Variants in OR51B5 observed in about 807,000 individuals in gnomAD.
The protein encoded by OR51B5 is olfactory receptor 51B5.
For synonymous variants in OR51B5, 186 were observed against 144.8 expected (o/e 1.28, Z -2.04); for missense variants, 456 against 374.6 (o/e 1.22, Z -1.79).
exon 1 of OR51B5, chr11:5,342,948 T>A: frequency 6.2e-7 from 1 of 1,613,472 alleles, no homozygotes; most frequent in Non-Finnish European, 8.5e-7. Context: ...TACAGTCGGT[T>A]GAAGGTGGTA....
chr11:5,403,269 C>T (rs1850001456), intron 1 of OR51B5: 2 of 471,444 alleles, frequency 4.2e-6, no homozygotes, highest in African/African-American at 4.0e-5. Flanking sequence ...GCTCATACTC[C>T]ACACTGTATT....
chr11:5,373,224 T>C (rs774775817), intron 1 of OR51B5, among the ~76,000 whole-genome samples: 5 of 152,178 alleles, frequency 3.3e-5, no homozygotes, highest in East Asian at 1.9e-4. Context: ...AGAACATGTA[T>C]AGAGATAGCT....
chr11:5,399,740 C>T (rs2647563), intron 1 of OR51B5, among the ~76,000 whole-genome samples: 56,799 of 148,602 alleles, frequency 0.38, 10,904 homozygotes, highest in South Asian at 0.42. Context: ...GGTAGAGACT[C>T]TGGAGATGGA....
chr11:5,470,545 G>A (rs1851214161), intron 1 of OR51B5, among the ~76,000 whole-genome samples: 1 of 152,138 alleles, frequency 6.6e-6, no homozygotes, highest in South Asian at 2.1e-4. Context: ...ATGTATTCAC[G>A]CAGCCAATTT....
intron 1 of OR51B5, among the ~76,000 whole-genome samples, chr11:5,463,020 G>A (rs1389212405): frequency 6.6e-6 from 1 of 152,226 alleles, no homozygotes; most frequent in Non-Finnish European, 1.5e-5. Flanking sequence ...CGACACTTAT[G>A]TCAGAAATCA....
In OR51B5 at chr11:5,495,748, T is replaced by G. The variant is rs1173000683; in HGVS notation, n.84+9821A>C. 2.0e-5 allele frequency among the ~76,000 whole-genome samples: 3 copies of G among 152,142 alleles called. No individual in the cohort carries two copies. In the East Asian group the frequency reaches 5.8e-4, roughly 29 times the overall value. On this transcript the variant is annotated intron_variant and non_coding_transcript_variant, in intron 1 of 4. Coordinates refer to the OR51B5 transcript ENST00000415970. ...AAGTCCTTGCCTATCAATAATCACTTTAAATTAAATAGATTACATTCTCCA... is the reference window on the plus strand; with the variant it reads ...AAGTCCTTGCCTATCAATAATCACTGTAAATTAAATAGATTACATTCTCCA...
intron 1 of OR51B5, among the ~76,000 whole-genome samples, chr11:5,359,048 A>G (rs1186016314): frequency 6.6e-5 from 10 of 152,096 alleles, no homozygotes; most frequent in African/African-American, 1.4e-4. Flanking sequence ...TACTGAATGG[A>G]CAAAAACTGG....
chr11:5,460,614 G>A (rs932990975), intron 1 of OR51B5, among the ~76,000 whole-genome samples: 2 of 21,200 alleles, frequency 9.4e-5, no homozygotes, highest in Non-Finnish European at 2.7e-4. Context: ...AACCATTGCT[G>A]GGGGAGCTGG....
intron 1 of OR51B5, among the ~76,000 whole-genome samples, chr11:5,358,424 C>T (rs979514241): frequency 3.9e-5 from 6 of 152,108 alleles, no homozygotes; most frequent in East Asian, 3.9e-4. Context: ...ACACATACAC[C>T]CTCCCAAGAC....
At chr11:5,408,251 C>T (rs1447087573) in intron 1 of OR51B5, among the ~76,000 whole-genome samples, 4 of 151,952 alleles carry the variant, frequency 2.6e-5, no homozygotes, top group Non-Finnish European at 5.9e-5. Flanking sequence ...TAATTTTATC[C>T]CAATAATTGC....
chr11:5,444,353 G>T lies in OR51B5; in HGVS notation n.84+61216C>A, dbSNP rs916540397. Among the ~76,000 whole-genome samples the T allele has an allele frequency of 1.2e-4, 19 of 152,064 alleles. 1 individual carries two copies. The highest frequency in any genetic ancestry group is 4.6e-4 in the African/African-American group (19 of 41,394). On this transcript the variant is annotated intron_variant and non_coding_transcript_variant, in intron 1 of 4. Coordinates refer to the OR51B5 transcript ENST00000415970. ...TAAATAAGAAGTATAAAATATCCTT[G>T]AGACAAAAATCTATAAATGATGCAG... is the stretch of plus-strand genomic sequence containing the variant.
chr11:5,466,571 G>A (rs554261140), intron 1 of OR51B5, among the ~76,000 whole-genome samples: 58 of 152,302 alleles, frequency 3.8e-4, no homozygotes, highest in African/African-American at 1.2e-3. Flanking sequence ...GGCCCTGAGC[G>A]CCATGGATTC....
chr11:5,479,654 A>G (rs1015422880), intron 1 of OR51B5, among the ~76,000 whole-genome samples: 9 of 152,080 alleles, frequency 5.9e-5, no homozygotes, highest in South Asian at 2.1e-4. Flanking sequence ...TCAAAATAAA[A>G]GGATGGAGGA....
intron 1 of OR51B5, among the ~76,000 whole-genome samples, chr11:5,373,993 A>T (rs867295026): frequency 6.6e-6 from 1 of 152,056 alleles, no homozygotes; most frequent in Non-Finnish European, 1.5e-5. Context: ...CTCCCAGCAC[A>T]CAGCTGGAGA....
intron 1 of OR51B5, among the ~76,000 whole-genome samples, chr11:5,356,260 C>T (rs935767654): frequency 2.5e-3 from 381 of 151,938 alleles, no homozygotes; most frequent in African/African-American, 8.9e-3. Flanking sequence ...ACTAGAATAA[C>T]CAATACAGAG....
At chr11:5,435,322 GCAGA>G (rs1850578067) in intron 1 of OR51B5, among the ~76,000 whole-genome samples, 1 of 152,166 alleles carries the variant, frequency 6.6e-6, no homozygotes, top group East Asian at 1.9e-4. Flanking sequence ...AGATAATGTT[GCAGA>G]CTCAGAGACA....
intron 1 of OR51B5, among the ~76,000 whole-genome samples, chr11:5,445,701 A>G (rs1465009310): frequency 6.6e-6 from 1 of 151,190 alleles, no homozygotes; most frequent in Non-Finnish European, 1.5e-5. Context: ...ATTTATCAAA[A>G]CTTATCTAGT....
At chr11:5,377,661 C>T (rs1849548108) in intron 1 of OR51B5, among the ~76,000 whole-genome samples, 1 of 152,084 alleles carries the variant, frequency 6.6e-6, no homozygotes, top group African/African-American at 2.4e-5. Flanking sequence ...TTCTTATACA[C>T]CAATAACAGA....
intron 1 of OR51B5, among the ~76,000 whole-genome samples, chr11:5,394,345 G>A (rs901415513): frequency 3.9e-5 from 6 of 152,026 alleles, no homozygotes; most frequent in African/African-American, 9.7e-5. Context: ...TTCTGACTGT[G>A]GTGCTTGTAG....
Sources: gnomAD v4.1 joint callset for allele counts (sites outside exome capture counted in the v4.1 genomes callset) on GRCh38, gnomAD v4.1.1 for gene constraint, MANE v1.5 for transcripts, NCBI Gene and HGNC (gene_info 2026-07-23, HGNC 2026-07-21) for gene names.